Variants in AKR1C8 observed in about 807,000 individuals in gnomAD.
The protein encoded by AKR1C8 is aldo-keto reductase family 1 member C8.
chr10:5,177,281 T>G, the AKR1C8 span, among the ~76,000 whole-genome samples: 1 of 152,000 alleles, frequency 6.6e-6, no homozygotes, highest in African/African-American at 2.4e-5. Context: ...GGATTACATT[T>G]ATTGATTTGC....
the AKR1C8 span, among the ~76,000 whole-genome samples, chr10:5,176,267 TG>T: frequency 8.2e-6 from 1 of 122,386 alleles, no homozygotes; most frequent in African/African-American, 2.8e-5. Flanking sequence ...TTCTCAGGTT[TG>T]TCAAAGATCC....
the AKR1C8 span, among the ~76,000 whole-genome samples, chr10:5,163,792 A>G: frequency 6.6e-6 from 1 of 152,164 alleles, no homozygotes; most frequent in Non-Finnish European, 1.5e-5. Flanking sequence ...TATGCCTAAG[A>G]CATACCAACA....
chr10:5,181,195 G>A, the AKR1C8 span, among the ~76,000 whole-genome samples: 16 of 151,950 alleles, frequency 1.1e-4, no homozygotes, highest in African/African-American at 3.9e-4. Context: ...AATTATTAAA[G>A]GTTTATAAAA....
the AKR1C8 span, chr10:5,158,624 A>T: frequency 2.1e-6 from 1 of 480,250 alleles, no homozygotes. Flanking sequence ...TTGGGATCCC[A>T]GGGCACTGTA....
the AKR1C8 span, among the ~76,000 whole-genome samples, chr10:5,171,319 G>A: frequency 1.3e-5 from 2 of 151,926 alleles, no homozygotes; most frequent in Non-Finnish European, 2.9e-5. Context: ...CAATTGACAA[G>A]GATATCTGTT....
chr10:5,145,710 G>A, the AKR1C8 span, among the ~76,000 whole-genome samples: 2 of 152,192 alleles, frequency 1.3e-5, no homozygotes, highest in African/African-American at 4.8e-5. Context: ...AGGTGCTGGA[G>A]AGGATGTGGA....
the AKR1C8 span, among the ~76,000 whole-genome samples, chr10:5,174,904 T>A: frequency 6.7e-6 from 1 of 148,632 alleles, no homozygotes; most frequent in Non-Finnish European, 1.5e-5. Context: ...ACATATTAAC[T>A]AAATTAAAAA....
chr10:5,158,587 A>G, the AKR1C8 span: 8 of 464,230 alleles, frequency 1.7e-5, no homozygotes, highest in South Asian at 1.3e-4. Context: ...TAACTCTTTG[A>G]CATTCTTATT....
chr10:5,170,457 C>A, the AKR1C8 span, among the ~76,000 whole-genome samples: 6 of 152,058 alleles, frequency 3.9e-5, no homozygotes, highest in South Asian at 4.2e-4. Context: ...ATTACATAGG[C>A]CTTTTAAATT....
At chr10:5,174,975 GTTA>G in the AKR1C8 span, among the ~76,000 whole-genome samples, 20 of 151,724 alleles carry the variant, frequency 1.3e-4, no homozygotes, top group African/African-American at 3.4e-4. Flanking sequence ...TCTTTATTTT[GTTA>G]TTATTATATT....
At chr10:5,178,627 A>C in the AKR1C8 span, among the ~76,000 whole-genome samples, 2 of 152,164 alleles carry the variant, frequency 1.3e-5, no homozygotes, top group Non-Finnish European at 2.9e-5. Context: ...GTCTCTTTGT[A>C]GGTCACTCAG....
the AKR1C8 span, among the ~76,000 whole-genome samples, chr10:5,145,548 G>A: frequency 6.6e-6 from 1 of 152,116 alleles, no homozygotes; most frequent in African/African-American, 2.4e-5. Flanking sequence ...GACATGAACA[G>A]ACATTTCTCA....
the AKR1C8 span, chr10:5,160,968 C>A: frequency 4.4e-6 from 2 of 453,982 alleles, no homozygotes; most frequent in Admixed American, 2.5e-5. Flanking sequence ...CTCGGCCAAA[C>A]AACCTTCAAG....
At chr10:5,183,045 AAT>A in the AKR1C8 span, among the ~76,000 whole-genome samples, 1 of 152,216 alleles carries the variant, frequency 6.6e-6, no homozygotes, top group African/African-American at 2.4e-5. Flanking sequence ...TAGAGAGAAA[AAT>A]AGTGTGTCAA....
the AKR1C8 span, among the ~76,000 whole-genome samples, chr10:5,174,475 A>T: frequency 2.2e-4 from 33 of 152,166 alleles, no homozygotes; most frequent in South Asian, 5.6e-3. Context: ...GTCATATACT[A>T]AATTTACTAA....
At chr10:5,167,205 C>A in the AKR1C8 span, among the ~76,000 whole-genome samples, 2 of 152,172 alleles carry the variant, frequency 1.3e-5, no homozygotes, top group South Asian at 2.1e-4. Context: ...ACTAGTTCAA[C>A]CCTTATGGAA....
the AKR1C8 span, among the ~76,000 whole-genome samples, chr10:5,172,514 A>T: frequency 6.6e-6 from 1 of 152,044 alleles, no homozygotes; most frequent in Non-Finnish European, 1.5e-5. Flanking sequence ...ATCTTCATTA[A>T]ACTAATATTA....
chr10:5,145,591 G>T, the AKR1C8 span, among the ~76,000 whole-genome samples: 8 of 152,234 alleles, frequency 5.3e-5, no homozygotes, highest in Admixed American at 3.3e-4. Context: ...AAAAACACAT[G>T]AAAAAATGCT....
chr10:5,182,946 G>C, the AKR1C8 span, among the ~76,000 whole-genome samples: 2 of 151,724 alleles, frequency 1.3e-5, no homozygotes, highest in African/African-American at 4.8e-5. Context: ...TCTTTATACA[G>C]ATAATCAGAC....
Sources: allele counts gnomAD v4.1 joint callset (sites outside exome capture counted in the v4.1 genomes callset), GRCh38; gene constraint gnomAD v4.1.1; transcripts MANE v1.5; gene names NCBI Gene and HGNC (gene_info 2026-07-23, HGNC 2026-07-21).